Variants in LEPROTL1 observed in about 807,000 individuals in gnomAD.
LEPROTL1 encodes the protein leptin receptor overlapping transcript-like 1.
In LEPROTL1, 6 loss-of-function variants were observed where a neutral mutation model predicts 15.4. The ratio of observed to expected loss-of-function variants is 0.39; its 90% CI spans 0.21 to 0.77. LEPROTL1 has a LOEUF of 0.77. Among genes scored for constraint, LEPROTL1 ranks in the 30% least tolerant of loss-of-function variants. The probability of loss-of-function intolerance (pLI) is 0.41; values close to 1 mark genes in which losing one functional copy is unlikely to be tolerated. For missense variants in LEPROTL1, 128 were observed against 158.1 expected, an observed-to-expected ratio of 0.81 and a Z score of 1.02; for synonymous variants, 56 against 52.6, an observed-to-expected ratio of 1.06 and a Z score of -0.28.
At chr8:30,117,926 T>C (rs771117267) in intron 3 of LEPROTL1, 425 of 495,194 alleles carry the variant, frequency 8.6e-4, no homozygotes, top group Non-Finnish European at 1.3e-3. Flanking sequence ...GAAAAATGCT[T>C]ATAGACATAA....
chr8:30,134,160 C>T (rs1803088945), intron 4 of LEPROTL1, among the ~76,000 whole-genome samples: 2 of 152,160 alleles, frequency 1.3e-5, no homozygotes, highest in African/African-American at 4.8e-5. Flanking sequence ...TGTGGTGGCT[C>T]ACGCCTGTAA....
Position 30,107,373 on chromosome 8 carries a change from ATTTG to A in LEPROTL1, c.*1517_*1520del. 1 of 985,612 alleles carries A rather than the reference ATTTG, an allele frequency of 1.0e-6. No homozygotes were observed. Among genetic ancestry groups the A allele is most frequent in the Non-Finnish European group, 1.2e-6 (1 of 829,726 alleles). 61.1% of individuals were successfully genotyped at this position (985,612 alleles called of 1,614,324 possible). On this transcript the variant is annotated 3_prime_UTR_variant, in exon 4 of 4. Coordinates refer to ENST00000321250, the MANE Select transcript of LEPROTL1 (RefSeq NM_015344.3). The stretch of plus-strand genomic sequence containing the variant: ...GGTCTGACAGTATTTTGTTAAGGAT[ATTTG>A]TTTGTATGTTTATTCAGTATACTTA...
At chr8:30,110,388 C>T (rs1445873614), downstream of LEPROTL1, among the ~76,000 whole-genome samples, 2 of 151,844 alleles carry the variant, frequency 1.3e-5, no homozygotes, top group South Asian at 2.1e-4. Context: ...TGCGTGCGCG[C>T]GTGTGTGTAG....
chr8:30,135,107 G>A (rs1803111925), intron 4 of LEPROTL1, among the ~76,000 whole-genome samples: 1 of 147,046 alleles, frequency 6.8e-6, no homozygotes, highest in South Asian at 2.1e-4. Context: ...GGCCTGGCTA[G>A]TCTCAAACTC....
chr8:30,095,702 C>T (rs1367146936), intron 1 of LEPROTL1, 174 bp downstream of exon 1: 1 of 694,940 alleles, frequency 1.4e-6, no homozygotes, highest in South Asian at 1.7e-5. Context: ...GGGCGCGGCG[C>T]CCTCGGGCAA....
At chr8:30,131,296 A>ATATATATGTGTGTGTGTG (rs367717206) in intron 3 of LEPROTL1, among the ~76,000 whole-genome samples, 8 of 123,896 alleles carry the variant, frequency 6.5e-5, no homozygotes, top group African/African-American at 2.2e-4. Context: ...ATATATATAT[A>ATATATATGTGTGTGTGTG]TGTGTGTGTG....
intron 3 of LEPROTL1, among the ~76,000 whole-genome samples, chr8:30,116,475 A>G (rs1282902674): frequency 1.3e-5 from 2 of 152,160 alleles, no homozygotes; most frequent in Non-Finnish European, 2.9e-5. Context: ...CGCATGTGCA[A>G]TTCACAATAG....
At chr8:30,114,045 T>C (rs1802695771) in intron 3 of LEPROTL1, among the ~76,000 whole-genome samples, 1 of 152,198 alleles carries the variant, frequency 6.6e-6, no homozygotes, top group Admixed American at 6.5e-5. Flanking sequence ...GCCCCAGGAC[T>C]GAACCCTAGG....
chr8:30,097,444 G>A (rs931561459), intron 1 of LEPROTL1, among the ~76,000 whole-genome samples: 3 of 151,770 alleles, frequency 2.0e-5, no homozygotes, highest in East Asian at 3.9e-4. Context: ...AGGCCGAGAC[G>A]GATGGATCAT....
chr8:30,114,035 GC>G (rs1440884857), intron 3 of LEPROTL1, among the ~76,000 whole-genome samples: 1 of 152,142 alleles, frequency 6.6e-6, no homozygotes, highest in African/African-American at 2.4e-5. Flanking sequence ...CAATTAGGCT[GC>G]CCCAGGACTG....
downstream of LEPROTL1, among the ~76,000 whole-genome samples, chr8:30,111,889 T>C (rs1802657045): frequency 6.6e-6 from 1 of 152,158 alleles, no homozygotes; most frequent in Non-Finnish European, 1.5e-5. Flanking sequence ...TGGGGACAGC[T>C]TTTTGATTCT....
intron 3 of LEPROTL1, chr8:30,117,238 A>G: frequency 3.5e-6 from 2 of 579,516 alleles, no homozygotes; most frequent in Non-Finnish European, 6.1e-6. Context: ...CTGTAATCCC[A>G]GTGCTTTGGG....
At chr8:30,097,238 T>G (rs1041023144) in intron 1 of LEPROTL1, among the ~76,000 whole-genome samples, 10 of 152,238 alleles carry the variant, frequency 6.6e-5, no homozygotes, top group Admixed American at 4.6e-4. Flanking sequence ...TCTTCCTAGT[T>G]GCCAATTTCA....
At chr8:30,109,853 CTTTT>C (rs1802628852), downstream of LEPROTL1, among the ~76,000 whole-genome samples, 1 of 148,792 alleles carries the variant, frequency 6.7e-6, no homozygotes, top group African/African-American at 2.5e-5. Flanking sequence ...TCTTGAAAGG[CTTTT>C]TTAAGAAAAA....
intron 3 of LEPROTL1, 33 bp from the exon 4 acceptor site, chr8:30,105,713 T>C (rs1802553825): frequency 6.3e-7 from 1 of 1,579,442 alleles, no homozygotes; most frequent in Non-Finnish European, 8.6e-7. Flanking sequence ...TCGTTTTTCA[T>C]GCCTGTTGAC....
chr8:30,130,906 A>G (rs1441633172), intron 3 of LEPROTL1, among the ~76,000 whole-genome samples: 1 of 151,460 alleles, frequency 6.6e-6, no homozygotes, highest in African/African-American at 2.4e-5. Context: ...CAGCCTCCCA[A>G]GTAGCTGGGA....
intron 4 of LEPROTL1, chr8:30,132,552 A>T: frequency 6.4e-7 from 1 of 1,551,734 alleles, no homozygotes. Flanking sequence ...GCTGGCAATC[A>T]GTCAGTCCCG....
At chr8:30,132,999 GAT>G in intron 4 of LEPROTL1, 8 of 1,290,396 alleles carry the variant, frequency 6.2e-6, no homozygotes, top group African/African-American at 6.0e-5. Context: ...GCAGGAAATA[GAT>G]AGGTCTGTAC....
At chr8:30,098,057 G>GATTACCGTGA (rs1802402215) in intron 1 of LEPROTL1, among the ~76,000 whole-genome samples, 1 of 152,072 alleles carries the variant, frequency 6.6e-6, no homozygotes, top group African/African-American at 2.4e-5. Flanking sequence ...CTCTTGCGGA[G>GATTACCGTGA]ATTACCGTGA....
Sources: allele counts gnomAD v4.1 joint callset (sites outside exome capture counted in the v4.1 genomes callset), GRCh38; gene constraint gnomAD v4.1.1; transcripts MANE v1.5; gene names NCBI Gene and HGNC (gene_info 2026-07-23, HGNC 2026-07-21).